ADAMTS9: variants seen among roughly 807,000 people sequenced by gnomAD.
ADAMTS9 encodes the protein ADAM metallopeptidase with thrombospondin type 1 motif 9, also known as A disintegrin and metalloproteinase with thrombospondin motifs 9.
A neutral mutation model predicts 257.1 loss-of-function variants in ADAMTS9; 107 were observed. The observed-to-expected ratio is 0.42, with a 90% confidence interval of 0.36 to 0.49. The LOEUF (loss-of-function observed/expected upper bound fraction) is 0.49, where lower values mean the gene tolerates loss of function less well. Among genes scored for constraint, ADAMTS9 ranks in the 20% least tolerant of loss-of-function variants. The pLI is 0.03. For missense variants in ADAMTS9, 2,353 were observed against 2,469.1 expected (o/e 0.95, Z 1.00); for synonymous variants, 982 against 880.9 (o/e 1.11, Z -2.03).
At chr3:64,615,108 G>A in intron 21 of ADAMTS9, 5 of 512,878 alleles carry the variant, frequency 9.7e-6, no homozygotes, top group Non-Finnish European at 1.7e-5. Flanking sequence ...ATCTAGCCAA[G>A]CCCAAAGTGC....
rs564999464 is a variant in ADAMTS9, at chr3:64,516,604, T to C, written c.*523A>G. The C allele has an allele frequency of 2.0e-5, 3 of 152,772 alleles. No individual in the cohort carries two copies. In the East Asian group the frequency reaches 5.8e-4, roughly 29 times the overall value. 9.5% of individuals were successfully genotyped at this position (152,772 alleles called of 1,614,324 possible). ...GAAACTGAATACTTATTTAACATAG[T>C]TAATAGTTGGTACAATCTGTGATAT... On this transcript the variant is annotated 3_prime_UTR_variant, in exon 40 of 40. Transcript: ENST00000498707.
At position 64,686,762 on chromosome 3, in the gene ADAMTS9, G is replaced by A; in HGVS notation, c.322C>T (p.Gln108Ter). The change falls in exon 2 of 40, where the codon CAG (glutamine) becomes TAG (stop). Residue 108 changes from glutamine (Q) to a stop codon, truncating the protein, a stop_gained. Coordinates refer to ENST00000498707, the MANE Select transcript of ADAMTS9 (RefSeq NM_182920.2). LOFTEE classifies it high-confidence loss of function. This position sits in a 1 kb window ranked among gnomAD's most constrained non-coding sequence, Gnocchi z 4.6. ...TTGGCGGTGAGATTAAATAGAAACTGCTGGCCGAAGGCAGAGAGGCGGTAA... is the reference window on the plus strand; with the variant it reads ...TTGGCGGTGAGATTAAATAGAAACTACTGGCCGAAGGCAGAGAGGCGGTAA... The part of the protein sequence containing the change: ...AHYRLSAFGQ[Q>*]FLFNLTANAG... 1 of 1,614,180 alleles carries A rather than the reference G, an allele frequency of 6.2e-7. No homozygotes were observed.
At chr3:64,651,241 A>T in intron 8 of ADAMTS9, 78 bp from the exon 9 acceptor site, 1 of 1,322,838 alleles carries the variant, frequency 7.6e-7, no homozygotes, top group Non-Finnish European at 1.0e-6. Context: ...CAGGAATGCA[A>T]CTATCTAAGA....
Position 64,541,086 on chromosome 3 carries a change from C to T in ADAMTS9, c.5521+9G>A, listed in dbSNP as rs76555257. 3.1e-6 allele frequency: 5 copies of T among 1,613,724 alleles called. No individual in the cohort carries two copies. The highest frequency in any genetic ancestry group is 3.3e-5 in the Admixed American group (2 of 59,976). On this transcript the variant is annotated intron_variant, in intron 36 of 39. Transcript: ENST00000498707. ...GCACACGTTCCCAAAGGACTCCTCA[C>T]TAACTTACTGATTATCTGCATGCTG...
At chr3:64,575,605 T>A (rs1026102910) in intron 28 of ADAMTS9, among the ~76,000 whole-genome samples, 4 of 152,174 alleles carry the variant, frequency 2.6e-5, no homozygotes, top group African/African-American at 9.7e-5. Flanking sequence ...TGTCTTCATT[T>A]TGCTTTAAAA....
chr3:64,569,345 G>A (rs1319516350), intron 28 of ADAMTS9, among the ~76,000 whole-genome samples: 1 of 152,154 alleles, frequency 6.6e-6, no homozygotes, highest in Non-Finnish European at 1.5e-5. Context: ...GATTACAGAA[G>A]TCATTACCAC....
At chr3:64,540,737 TC>T (rs2083110105) in intron 36 of ADAMTS9, among the ~76,000 whole-genome samples, 1 of 152,232 alleles carries the variant, frequency 6.6e-6, no homozygotes, top group South Asian at 2.1e-4. Flanking sequence ...TGTCATATTT[TC>T]TGGAATGCTG....
intron 14 of ADAMTS9, 46 bp downstream of exon 14, chr3:64,633,426 T>C (rs1468836695): frequency 6.2e-7 from 1 of 1,607,996 alleles, no homozygotes; most frequent in Admixed American, 1.7e-5. Flanking sequence ...AAATCACAGG[T>C]TGGCAGCGGG....
chr3:64,611,429 A>C (rs942366300), intron 22 of ADAMTS9, among the ~76,000 whole-genome samples: 1 of 152,208 alleles, frequency 6.6e-6, no homozygotes, highest in African/African-American at 2.4e-5. Flanking sequence ...TGTCCAGAAT[A>C]CGTAAATCCA....
intron 19 of ADAMTS9, among the ~76,000 whole-genome samples, chr3:64,618,723 T>C (rs1211964145): frequency 1.3e-5 from 2 of 152,182 alleles, no homozygotes; most frequent in Non-Finnish European, 2.9e-5. Flanking sequence ...AATTTATTAT[T>C]ATTATTATCA....
At chr3:64,557,947 A>C (rs1239008862) in intron 30 of ADAMTS9, among the ~76,000 whole-genome samples, 2 of 152,208 alleles carry the variant, frequency 1.3e-5, no homozygotes, top group Non-Finnish European at 2.9e-5. Context: ...CTTTCCCCTG[A>C]ACAACCAATG....
intron 11 of ADAMTS9, among the ~76,000 whole-genome samples, chr3:64,645,949 C>A (rs541267617): frequency 3.9e-5 from 6 of 152,230 alleles, no homozygotes; most frequent in Non-Finnish European, 8.8e-5. Flanking sequence ...TAATTGACAT[C>A]CTCCAAGTTA....
At chr3:64,646,239 G>C (rs1237941239) in intron 11 of ADAMTS9, among the ~76,000 whole-genome samples, 3 of 152,192 alleles carry the variant, frequency 2.0e-5, no homozygotes, top group Non-Finnish European at 4.4e-5. Context: ...TAACCAAGTT[G>C]TCAAATAGGT....
chr3:64,660,948 C>T (rs946207601), intron 3 of ADAMTS9, among the ~76,000 whole-genome samples: 7 of 152,138 alleles, frequency 4.6e-5, no homozygotes, highest in Non-Finnish European at 8.8e-5. Flanking sequence ...GCAAAAGTTA[C>T]GGATACAGTG....
intron 38 of ADAMTS9, among the ~76,000 whole-genome samples, chr3:64,530,378 C>A (rs2082963411): frequency 6.6e-6 from 1 of 151,918 alleles, no homozygotes; most frequent in South Asian, 2.1e-4. Flanking sequence ...CTGGACCACA[C>A]GGGGGAAGTC....
intron 2 of ADAMTS9, among the ~76,000 whole-genome samples, chr3:64,684,604 C>T (rs1356073731): frequency 2.0e-5 from 3 of 152,120 alleles, no homozygotes; most frequent in East Asian, 1.9e-4. Flanking sequence ...AGAACCAGAA[C>T]GCATATCTTT....
At chr3:64,523,900 A>T (rs1216211198) in intron 38 of ADAMTS9, among the ~76,000 whole-genome samples, 2 of 152,188 alleles carry the variant, frequency 1.3e-5, no homozygotes, top group African/African-American at 4.8e-5. Context: ...CAATCACTGT[A>T]ATTCAACACT....
intron 22 of ADAMTS9, among the ~76,000 whole-genome samples, 166 bp downstream of exon 22, chr3:64,613,179 G>A (rs1419630566): frequency 6.6e-6 from 1 of 152,172 alleles, no homozygotes; most frequent in East Asian, 1.9e-4. Context: ...TGGAAGGGGG[G>A]CAAAATGGTT....
chr3:64,599,427 G>T (rs2084419188), intron 26 of ADAMTS9, among the ~76,000 whole-genome samples: 1 of 152,294 alleles, frequency 6.6e-6, no homozygotes, highest in Middle Eastern at 3.4e-3. Context: ...CAAAATAAAG[G>T]AGAATGGCCT....
Sources: allele counts gnomAD v4.1 joint callset (sites outside exome capture counted in the v4.1 genomes callset), GRCh38; gene constraint gnomAD v4.1.1; non-coding constraint Gnocchi (gnomAD v3.1); transcripts MANE v1.5; gene names NCBI Gene and HGNC (gene_info 2026-07-23, HGNC 2026-07-21).